PRSS41: variants seen among roughly 807,000 people sequenced by gnomAD.
The protein encoded by PRSS41 is serine protease 41.
Under a neutral mutation model 28.8 loss-of-function variants are expected in PRSS41, and 37 were observed. The observed-to-expected ratio is 1.29, with a 90% CI of 0.99 to 1.69. The LOEUF (loss-of-function observed/expected upper bound fraction) is 1.69, where lower values mean the gene tolerates loss of function less well. Among genes scored for constraint, PRSS41 ranks in the 40% most tolerant of loss-of-function variants. The pLI is 0.00. For synonymous variants in PRSS41, 195 were observed against 163.1 expected (o/e 1.20, Z -1.49); for missense variants, 431 against 400.7 (o/e 1.08, Z -0.65).
chr16:2,801,843 A>G (rs1194441397), intron 4 of PRSS41, among the ~76,000 whole-genome samples: 1 of 152,216 alleles, frequency 6.6e-6, no homozygotes, highest in Non-Finnish European at 1.5e-5. Context: ...CCTGTTCTCA[A>G]TGAGCTGTTG....
At chr16:2,805,023 C>T in exon 6 of PRSS41, 1 of 1,564,496 alleles carries the variant, frequency 6.4e-7, no homozygotes, top group Non-Finnish European at 8.7e-7. Flanking sequence ...GGTGTCTACA[C>T]CAACATCAGT....
chr16:2,798,619 C>G lies in PRSS41; in HGVS notation c.65-17C>G. ...CGGGAGGTGGAGGCCGCGAGGGTCA[C>G]TTCTTGTGTCCTGCAGAGTCGCAGG... On this transcript the variant is annotated splice_polypyrimidine_tract_variant and intron_variant, in intron 1 of 5. Transcript: ENST00000399677. The G allele has an allele frequency of 6.6e-7, 1 of 1,520,876 alleles. No homozygotes were observed. 94.2% of individuals were successfully genotyped at this position (1,520,876 alleles called of 1,614,324 possible).
intron 4 of PRSS41, among the ~76,000 whole-genome samples, chr16:2,800,856 CACAA>C (rs1596309414): frequency 1.3e-5 from 2 of 152,194 alleles, no homozygotes; most frequent in South Asian, 2.1e-4. Flanking sequence ...TACCTTAAGA[CACAA>C]ACACATTGTA....
chr16:2,802,247 C>T (rs1254965365), intron 4 of PRSS41, among the ~76,000 whole-genome samples: 35 of 142,802 alleles, frequency 2.5e-4, no homozygotes, highest in Non-Finnish European at 3.9e-4. Flanking sequence ...CCAGATGGGG[C>T]GGCGGGGCAG....
chr16:2,799,384 A>G lies in PRSS41; in HGVS notation c.356A>G (p.Gln119Arg), dbSNP rs145849951. 2.7e-4 allele frequency: 423 copies of G among 1,552,052 alleles called. No individual in the cohort carries two copies. In the African/African-American group the frequency reaches 5.1e-3, roughly 19 times the overall value. The change falls in exon 4 of 6, where the codon CAG becomes CGG. Residue 119 changes from glutamine (Q) to arginine (R), a missense_variant. Transcript: ENST00000399677. ...GCCTACAGCAGTCGTTACAAAGTGC[A>G]GGACATCATTGTGAACCCTGACGCA...
chr16:2,805,290 C>T lies in PRSS41; in HGVS notation c.*158C>T, dbSNP rs1021525562. On this transcript the variant is annotated 3_prime_UTR_variant, in exon 6 of 6. Transcript: ENST00000399677. Reference sequence around the variant, plus strand: ...CTTTTGTCTCGTTTGCTAATAAATACGTGTGCATGTTCAAGCTGATGCCTT... The same window carrying T: ...CTTTTGTCTCGTTTGCTAATAAATATGTGTGCATGTTCAAGCTGATGCCTT... 35 of 622,720 alleles carry T rather than the reference C, an allele frequency of 5.6e-5. No homozygotes were observed. In the East Asian group the frequency reaches 6.9e-4, roughly 12 times the overall value. The allele number at this position is 622,720 out of a possible 1,614,324, so 38.6% of individuals were successfully genotyped here. A position where few individuals can be genotyped will look rare whatever the true frequency, so the allele number is the denominator to read the frequency against.
rs61747735 is a variant in PRSS41, at chr16:2,799,495, A to G, written c.467A>G (p.Glu156Gly). 1,584 of 1,551,882 alleles carry G rather than the reference A, an allele frequency of 1.0e-3. 17 individuals carry two copies. The African/African-American group carries it at 0.02, about 19-fold the overall frequency. Reference sequence around the variant, plus strand: ...GCGTACATCCAGCCCATTTGCATCGAGTCTTCCACCTTCAACTTCGTGCAC... The same window carrying G: ...GCGTACATCCAGCCCATTTGCATCGGGTCTTCCACCTTCAACTTCGTGCAC... The change falls in exon 4 of 6, where the codon GAG becomes GGG. Residue 156 changes from glutamate to glycine, a missense_variant. Physicochemically the swap from Glu to Gly is moderately conservative, Grantham distance 98. Coordinates refer to ENST00000399677, the Ensembl canonical transcript of PRSS41.
intron 4 of PRSS41, 120 bp from the exon 5 acceptor site, chr16:2,804,269 G>C (rs141813440): frequency 1.2e-5 from 12 of 996,694 alleles, no homozygotes; most frequent in Admixed American, 5.1e-5. Context: ...GCAATGCTGG[G>C]TGTTGTGGGT....
exon 6 of PRSS41, chr16:2,805,289 A>G: frequency 1.6e-6 from 1 of 624,588 alleles, no homozygotes; most frequent in Non-Finnish European, 2.8e-6. Flanking sequence ...GCTAATAAAT[A>G]CGTGTGCATG....
chr16:2,798,861 G>T, intron 2 of PRSS41, 98 bp from the exon 3 acceptor site: 7 of 1,353,014 alleles, frequency 5.2e-6, no homozygotes, highest in Non-Finnish European at 6.7e-6. Flanking sequence ...TCCCCGGGGA[G>T]CCCCCCGCTG....
intron 4 of PRSS41, among the ~76,000 whole-genome samples, chr16:2,802,283 G>C (rs1033411364): frequency 1.3e-5 from 2 of 149,114 alleles, no homozygotes; most frequent in African/African-American, 2.5e-5. Flanking sequence ...CTCAGACGAT[G>C]GGCGGCCGGG....
exon 3 of PRSS41, chr16:2,799,021 C>A (rs2068967237): frequency 5.2e-6 from 8 of 1,531,752 alleles, no homozygotes; most frequent in Non-Finnish European, 7.0e-6. Context: ...CGCGCGCGGG[C>A]GCTGGCCATG....
exon 1 of PRSS41, chr16:2,798,500 G>A (rs182642527): frequency 2.3e-6 from 3 of 1,307,428 alleles, no homozygotes; most frequent in Non-Finnish European, 2.1e-6. Flanking sequence ...CGCGCGCGGG[G>A]CGCTGCTGCT....
intron 4 of PRSS41, among the ~76,000 whole-genome samples, chr16:2,804,099 T>C (rs2069005323): frequency 6.6e-6 from 1 of 152,216 alleles, no homozygotes; most frequent in South Asian, 2.1e-4. Flanking sequence ...CATGCTTTGG[T>C]TGAGAAATTT....
exon 5 of PRSS41, chr16:2,804,426 G>T (rs375595972): frequency 6.4e-7 from 1 of 1,551,510 alleles, no homozygotes; most frequent in African/African-American, 1.4e-5. Context: ...GGGAAGCACA[G>T]GTCACCATCT....
At chr16:2,801,599 T>C (rs1168497843) in intron 4 of PRSS41, among the ~76,000 whole-genome samples, 2 of 151,348 alleles carry the variant, frequency 1.3e-5, no homozygotes, top group Non-Finnish European at 2.9e-5. Flanking sequence ...TGCACCGCCC[T>C]TAATCCATTT....
chr16:2,805,295 G>A, exon 6 of PRSS41: 1 of 614,836 alleles, frequency 1.6e-6, no homozygotes. Context: ...AAATACGTGT[G>A]CATGTTCAAG....
At chr16:2,801,019 T>C (rs78535358) in intron 4 of PRSS41, among the ~76,000 whole-genome samples, 2,396 of 152,282 alleles carry the variant, frequency 0.016, 63 homozygotes, top group African/African-American at 0.054. Flanking sequence ...TTGTGGGATG[T>C]ATCAATAAGG....
At chr16:2,804,078 C>G (rs2069005252) in intron 4 of PRSS41, among the ~76,000 whole-genome samples, 1 of 152,188 alleles carries the variant, frequency 6.6e-6, no homozygotes, top group South Asian at 2.1e-4. Context: ...TACTGTAGCC[C>G]TTCTTCCTGC....
Sources: gnomAD v4.1 joint callset for allele counts (sites outside exome capture counted in the v4.1 genomes callset) on GRCh38, gnomAD v4.1.1 for gene constraint, MANE v1.5 for transcripts, NCBI Gene and HGNC (gene_info 2026-07-23, HGNC 2026-07-21) for gene names.